Variants in LOC122539214 observed in about 807,000 individuals in gnomAD.
At chr19:52,689,928 C>T in the LOC122539214 span, among the ~76,000 whole-genome samples, 67 of 152,300 alleles carry the variant, frequency 4.4e-4, no homozygotes, top group Middle Eastern at 3.4e-3. Context: ...GCGGTGACTG[C>T]GGAGGAGAGA....
the LOC122539214 span, among the ~76,000 whole-genome samples, chr19:52,671,730 C>T: frequency 6.6e-6 from 1 of 152,174 alleles, no homozygotes; most frequent in African/African-American, 2.4e-5. Context: ...GGCAAGCCAC[C>T]ACACCCATCC....
chr19:52,681,795 A>G, the LOC122539214 span, among the ~76,000 whole-genome samples: 1 of 152,216 alleles, frequency 6.6e-6, no homozygotes, highest in Non-Finnish European at 1.5e-5. Context: ...GGAGCATCCT[A>G]CAAGGTCATT....
chr19:52,659,080 C>A, the LOC122539214 span, among the ~76,000 whole-genome samples: 3 of 152,054 alleles, frequency 2.0e-5, 1 homozygote, highest in Non-Finnish European at 4.4e-5. Flanking sequence ...GGGCCAGGGT[C>A]CGTGGGCAGA....
chr19:52,689,950 G>T, the LOC122539214 span, among the ~76,000 whole-genome samples: 1 of 152,144 alleles, frequency 6.6e-6, no homozygotes, highest in African/African-American at 2.4e-5. Flanking sequence ...CTGGGGAGCA[G>T]CAGGGCCCGG....
At chr19:52,657,720 G>C in the LOC122539214 span, among the ~76,000 whole-genome samples, 2 of 151,958 alleles carry the variant, frequency 1.3e-5, no homozygotes, top group African/African-American at 4.8e-5. Context: ...GGTGGTGCAT[G>C]CTTGTAATCT....
chr19:52,689,783 A>G, the LOC122539214 span, among the ~76,000 whole-genome samples: 1 of 151,748 alleles, frequency 6.6e-6, no homozygotes, highest in African/African-American at 2.4e-5. Flanking sequence ...TGGCCCACAC[A>G]ATCACAGGAG....
At chr19:52,655,912 A>G in the LOC122539214 span, among the ~76,000 whole-genome samples, 1 of 108,242 alleles carries the variant, frequency 9.2e-6, no homozygotes, top group Non-Finnish European at 1.9e-5. Context: ...GTTTTATGGA[A>G]AATACAAAAA....
chr19:52,672,406 T>A, the LOC122539214 span, among the ~76,000 whole-genome samples: 1 of 152,176 alleles, frequency 6.6e-6, no homozygotes, highest in East Asian at 1.9e-4. Flanking sequence ...AAAATATGAT[T>A]ACATTTAGAA....
At chr19:52,688,670 C>T in the LOC122539214 span, among the ~76,000 whole-genome samples, 104,512 of 151,564 alleles carry the variant, frequency 0.69, 37,564 homozygotes, top group African/African-American at 0.91. Context: ...TGTAACTTAT[C>T]TAACATCTTG....
the LOC122539214 span, chr19:52,654,501 A>G: frequency 2.0e-6 from 1 of 505,712 alleles, no homozygotes. Context: ...AGCAATACTT[A>G]TTTTAAAATT....
the LOC122539214 span, among the ~76,000 whole-genome samples, chr19:52,675,818 AGTG>A: frequency 1.3e-5 from 2 of 152,236 alleles, no homozygotes; most frequent in Non-Finnish European, 2.9e-5. Context: ...CTTGGACGAA[AGTG>A]GAACTAATTT....
the LOC122539214 span, among the ~76,000 whole-genome samples, chr19:52,681,894 C>T: frequency 6.6e-6 from 1 of 152,192 alleles, no homozygotes; most frequent in Non-Finnish European, 1.5e-5. Context: ...GTCAACCAGC[C>T]TGAAGTGCAG....
chr19:52,652,567 TTTCCAG>T, the LOC122539214 span: 1 of 434,536 alleles, frequency 2.3e-6, no homozygotes, highest in Non-Finnish European at 4.6e-6. Context: ...GTAACGTTTC[TTTCCAG>T]TATGAGTTCA....
chr19:52,675,882 G>C, the LOC122539214 span, among the ~76,000 whole-genome samples: 1 of 152,130 alleles, frequency 6.6e-6, no homozygotes, highest in Admixed American at 6.6e-5. Context: ...TTACAATATG[G>C]GCAAAGGACA....
chr19:52,675,764 T>C, the LOC122539214 span, among the ~76,000 whole-genome samples: 21,562 of 152,178 alleles, frequency 0.14, 1,618 homozygotes, highest in African/African-American at 0.18. Flanking sequence ...TGTGCATGCA[T>C]GTCTGTGGGA....
the LOC122539214 span, among the ~76,000 whole-genome samples, chr19:52,687,633 G>GTATATATATATATATATATATATAATGTA: frequency 2.9e-4 from 8 of 27,840 alleles, 2 homozygotes; most frequent in East Asian, 2.0e-3. Flanking sequence ...TATATATAAT[G>GTATATATATATATATATATATATAATGTA]TATATATATA....
chr19:52,689,374 T>G, the LOC122539214 span, among the ~76,000 whole-genome samples: 1 of 152,054 alleles, frequency 6.6e-6, no homozygotes, highest in Non-Finnish European at 1.5e-5. Context: ...TTACATTCTC[T>G]CTTCCCTGTT....
At chr19:52,665,843 A>G in the LOC122539214 span, among the ~76,000 whole-genome samples, 1 of 151,974 alleles carries the variant, frequency 6.6e-6, no homozygotes, top group Non-Finnish European at 1.5e-5. Flanking sequence ...TGCTCCATCT[A>G]TGAGGACGCA....
chr19:52,662,622 C>T, the LOC122539214 span, among the ~76,000 whole-genome samples: 8 of 152,052 alleles, frequency 5.3e-5, no homozygotes, highest in East Asian at 1.9e-4. Flanking sequence ...CTGAGCATTA[C>T]CATCTCGTAT....
Sources: allele counts gnomAD v4.1 joint callset (sites outside exome capture counted in the v4.1 genomes callset), GRCh38; gene constraint gnomAD v4.1.1; transcripts MANE v1.5.